The following C1orf159 variants were observed in gnomAD, a reference collection of about 807,000 sequenced individuals.
C1orf159 encodes the protein chromosome 1 open reading frame 159, also known as uncharacterized protein C1orf159.
In C1orf159, 19 loss-of-function variants were observed where a neutral mutation model predicts 25.6. That is an observed-to-expected ratio of 0.74 (90% CI 0.52 to 1.09). C1orf159 has a LOEUF of 1.09. Ranked by LOEUF, C1orf159 falls within the 50% of genes least tolerant of loss-of-function variation. The pLI is 0.00. For missense variants in C1orf159, 274 were observed against 290.6 expected (o/e 0.94, Z 0.42); for synonymous variants, 139 against 124.7 (o/e 1.12, Z -0.77).
rs1282642238 is a variant in C1orf159, at chr1:1,087,120, G to A, written c.310+19C>T. ...CCCCAGGACACCGGCAGAGGTGGCT[G>A]TGGCCTGCTGAGACTTACCAGGATG... On this transcript the variant is annotated intron_variant, in intron 6 of 9. Transcript: ENST00000421241. This position sits in a 1 kb window ranked among gnomAD's most constrained non-coding sequence, Gnocchi z 8.3. 4 of 1,603,650 alleles carry A rather than the reference G, an allele frequency of 2.5e-6. No individual in the cohort carries two copies. Among genetic ancestry groups the A allele is most frequent in the African/African-American group, 1.3e-5 (1 of 74,860 alleles).
At chr1:1,091,305 G>GA (rs1226112841) in intron 3 of C1orf159, 167 bp downstream of exon 3, 46 of 754,426 alleles carry the variant, frequency 6.1e-5, no homozygotes, top group Non-Finnish European at 7.4e-5. Flanking sequence ...GCTCCCCTCT[G>GA]CGAGGCACAG....
chr1:1,097,583 A>ATT (rs1557428880), intron 1 of C1orf159, among the ~76,000 whole-genome samples: 12 of 137,840 alleles, frequency 8.7e-5, no homozygotes, highest in Admixed American at 7.1e-5. Flanking sequence ...CAGCTCATTA[A>ATT]ATTTTTTTTT....
chr1:1,087,341 G>T lies in C1orf159; in HGVS notation c.245-137C>A. 1 of 1,171,070 alleles carries T rather than the reference G, an allele frequency of 8.5e-7. No homozygotes were observed. The highest frequency in any genetic ancestry group is 1.2e-6 in the Non-Finnish European group (1 of 846,948). The allele number at this position is 1,171,070 out of a possible 1,614,324, so 72.5% of individuals were successfully genotyped here. A position where few individuals can be genotyped will look rare whatever the true frequency, so the allele number is the denominator to read the frequency against. ...GCGGAGCAGCCCTCACCACAGAGCT[G>T]TCCCGAATGGCCCAGCAGACTCGGG... is the stretch of plus-strand genomic sequence containing the variant. On this transcript the variant is annotated intron_variant, in intron 5 of 9. Coordinates refer to ENST00000421241, the MANE Select transcript of C1orf159 (RefSeq NM_017891.5). This position sits in a 1 kb window ranked among gnomAD's most constrained non-coding sequence, Gnocchi z 8.3.
rs1168209622 is a variant in C1orf159, at chr1:1,091,522, G to A, written c.22C>T (p.Leu8Phe). 1 of 1,550,070 alleles carries A rather than the reference G, an allele frequency of 6.5e-7. No homozygotes were observed. The highest frequency in any genetic ancestry group is 8.7e-7 in the Non-Finnish European group (1 of 1,146,912). The change falls in exon 3 of 10, where the codon CTC becomes TTC. Residue 8 changes from leucine (L) to phenylalanine (F), a missense_variant. Physicochemically the swap from Leu to Phe is conservative, Grantham distance 22. Coordinates refer to ENST00000421241, the MANE Select transcript of C1orf159 (RefSeq NM_017891.5). ...ACTCCCACGAGAAGGCCAGCCAGGA[G>A]GGCGAGGTGCCGCAGCGCCATGCCA... MALRHLA[L>F]LAGLLVGVAS...
At chr1:1,111,309 C>G (rs1335111076) in intron 1 of C1orf159, among the ~76,000 whole-genome samples, 1 of 149,712 alleles carries the variant, frequency 6.7e-6, no homozygotes, top group Non-Finnish European at 1.5e-5. Context: ...GGGAGGATCG[C>G]TTGAGCCCAG....
At chr1:1,109,763 A>G (rs1428330183) in intron 1 of C1orf159, among the ~76,000 whole-genome samples, 1 of 152,152 alleles carries the variant, frequency 6.6e-6, no homozygotes, top group Non-Finnish European at 1.5e-5. Flanking sequence ...GTAACGCAGG[A>G]CCCATGTTCA....
intron 1 of C1orf159, among the ~76,000 whole-genome samples, chr1:1,105,591 A>G (rs1019586976): frequency 3.9e-5 from 6 of 152,192 alleles, no homozygotes; most frequent in Admixed American, 3.3e-4. Flanking sequence ...AGTAAAAATA[A>G]TAAGTGTGGA....
chr1:1,111,744 C>T (rs539534532), intron 1 of C1orf159, among the ~76,000 whole-genome samples: 8 of 152,278 alleles, frequency 5.3e-5, no homozygotes, highest in East Asian at 1.9e-4. Context: ...GGGTTTCTCA[C>T]GCTGCTGAAC....
chr1:1,091,823 T>C, intron 2 of C1orf159, 168 bp downstream of exon 2: 3 of 17,402 alleles, frequency 1.7e-4, no homozygotes, highest in South Asian at 5.6e-4. Context: ...GGAGATGGGG[T>C]GGGGCGGGGC....
chr1:1,088,232 G>A (rs1448419193), intron 4 of C1orf159, among the ~76,000 whole-genome samples: 2 of 67,090 alleles, frequency 3.0e-5, no homozygotes, highest in South Asian at 6.9e-4. Context: ...CAGGACCCCC[G>A]CATGCCTCCC....
intron 1 of C1orf159, among the ~76,000 whole-genome samples, chr1:1,111,797 C>T (rs1409395529): frequency 2.0e-5 from 3 of 152,172 alleles, no homozygotes. Context: ...GCTTCCACTG[C>T]ATCCGTGTAG....
At chr1:1,114,246 A>G (rs1371805804) in intron 1 of C1orf159, among the ~76,000 whole-genome samples, 1 of 151,852 alleles carries the variant, frequency 6.6e-6, no homozygotes, top group Non-Finnish European at 1.5e-5. Context: ...TTACCAGCCA[A>G]ATGTCCCTGG....
rs994442287 is a variant in C1orf159 at position 1,089,192 on chromosome 1, G to A, written c.148+1161C>T. The stretch of plus-strand genomic sequence containing the variant: ...GCGCGCCAGACGGTCCCCACCCTGC[G>A]CCTGTGCATGGGGCCACCTCGGCCC... On this transcript the variant is annotated intron_variant, in intron 4 of 9. Transcript: ENST00000421241. The surrounding 1 kb of genome is among the most constrained non-coding windows in gnomAD (Gnocchi z 7.5). Among the ~76,000 whole-genome samples, 4 of 152,086 alleles carry A rather than the reference G, an allele frequency of 2.6e-5. No individual in the cohort carries two copies. The highest frequency in any genetic ancestry group is 1.9e-4 in the East Asian group (1 of 5,194).
At chr1:1,113,367 C>G (rs1018941642) in intron 1 of C1orf159, among the ~76,000 whole-genome samples, 4 of 152,210 alleles carry the variant, frequency 2.6e-5, no homozygotes, top group Admixed American at 2.6e-4. Flanking sequence ...GCTCCACACT[C>G]CACCTCGGCA....
At chr1:1,104,283 G>A (rs997670078) in intron 1 of C1orf159, among the ~76,000 whole-genome samples, 3 of 152,186 alleles carry the variant, frequency 2.0e-5, no homozygotes, top group Admixed American at 6.5e-5. Flanking sequence ...CACTGCACCC[G>A]GCCCAGACAG....
intron 1 of C1orf159, among the ~76,000 whole-genome samples, chr1:1,113,524 C>G (rs1221313545): frequency 1.3e-5 from 2 of 152,166 alleles, no homozygotes; most frequent in African/African-American, 4.8e-5. Flanking sequence ...CCTCGAGTAG[C>G]TGGGACTGTT....
chr1:1,086,985 C>T (rs1645841888), intron 6 of C1orf159, among the ~76,000 whole-genome samples, 154 bp downstream of exon 6: 1 of 152,126 alleles, frequency 6.6e-6, no homozygotes, highest in Non-Finnish European at 1.5e-5. Context: ...CACCAGCTGA[C>T]CCCAAGCTGC....
In C1orf159 at chr1:1,082,840, G is replaced by T; in HGVS notation, c.*53C>A. The T allele has an allele frequency of 1.4e-6, 2 of 1,473,794 alleles. No individual in the cohort carries two copies. The highest frequency in any genetic ancestry group is 1.7e-4 in the Middle Eastern group (1 of 5,758). The allele number at this position is 1,473,794 out of a possible 1,614,324, so 91.3% of individuals were successfully genotyped here. A position where few individuals can be genotyped will look rare whatever the true frequency, so the allele number is the denominator to read the frequency against. On this transcript the variant is annotated 3_prime_UTR_variant, in exon 10 of 10. Transcript: ENST00000421241. ...ACTTTGTGCTGGTTCCCGCCAAGGG[G>T]TCGGCCTCCGGGTCCCTGCCGCCAA...
At chr1:1,115,516 CCCCCT>C (rs1291697443) in intron 1 of C1orf159, among the ~76,000 whole-genome samples, 1 of 98,082 alleles carries the variant, frequency 1.0e-5, no homozygotes, top group Non-Finnish European at 2.1e-5. Context: ...GCCCCGAGAA[CCCCCT>C]CCCCTCCCCA....
Sources: allele counts gnomAD v4.1 joint callset (sites outside exome capture counted in the v4.1 genomes callset), GRCh38; gene constraint gnomAD v4.1.1; non-coding constraint Gnocchi (gnomAD v3.1); transcripts MANE v1.5; gene names NCBI Gene and HGNC (gene_info 2026-07-23, HGNC 2026-07-21).